GRIP1: variants seen among roughly 807,000 people sequenced by gnomAD.
GRIP1 encodes glutamate receptor interacting protein 1, also known as glutamate receptor-interacting protein 1.
In GRIP1, 45 loss-of-function variants were observed where a neutral mutation model predicts 129.9. That is an observed-to-expected ratio of 0.35 (90% CI 0.27 to 0.44). The LOEUF is 0.44. Among genes scored for constraint, GRIP1 ranks in the 20% least tolerant of loss-of-function variants. GRIP1 has a pLI of 1.00. For missense variants in GRIP1, 1,196 were observed against 1,396.8 expected, an observed-to-expected ratio of 0.86 and a Z score of 2.29; for synonymous variants, 530 against 520.8, an observed-to-expected ratio of 1.02 and a Z score of -0.24.
intron 7 of GRIP1, among the ~76,000 whole-genome samples, chr12:66,474,875 T>G (rs2059556017): frequency 6.6e-6 from 1 of 152,112 alleles, no homozygotes; most frequent in Non-Finnish European, 1.5e-5. Context: ...TGCAAAAACA[T>G]GCCAAATTGT....
intron 1 of GRIP1, among the ~76,000 whole-genome samples, chr12:66,645,186 T>C (rs1231311694): frequency 6.6e-6 from 1 of 152,214 alleles, no homozygotes; most frequent in Non-Finnish European, 1.5e-5. Context: ...GCCATCTGCA[T>C]AGTATAGAGT....
At chr12:66,547,667 A>T (rs1177153898) in intron 2 of GRIP1, among the ~76,000 whole-genome samples, 1 of 152,224 alleles carries the variant, frequency 6.6e-6, no homozygotes, top group East Asian at 1.9e-4. Context: ...GCAAAAAGTC[A>T]ACCCCAAAGA....
chr12:66,982,568 G>A (rs1400241969), intron 1 of GRIP1, among the ~76,000 whole-genome samples: 1 of 152,174 alleles, frequency 6.6e-6, no homozygotes, highest in Non-Finnish European at 1.5e-5. Context: ...TGTGGAAGAG[G>A]CCCTCATGGT....
chr12:66,961,534 C>T (rs73315223), intron 1 of GRIP1, among the ~76,000 whole-genome samples: 3,015 of 152,098 alleles, frequency 0.02, 106 homozygotes, highest in African/African-American at 0.068. Context: ...CTACAAAAAC[C>T]GGTTTAACCT....
intron 16 of GRIP1, among the ~76,000 whole-genome samples, chr12:66,401,134 C>T (rs1009288549): frequency 6.6e-6 from 1 of 152,066 alleles, no homozygotes; most frequent in African/African-American, 2.4e-5. Context: ...AGGAAAACGC[C>T]TACAACCCCA....
chr12:66,463,913 T>A (rs2059208228), intron 8 of GRIP1, among the ~76,000 whole-genome samples: 1 of 152,160 alleles, frequency 6.6e-6, no homozygotes, highest in South Asian at 2.1e-4. Flanking sequence ...AATTAAAGCA[T>A]CCTGTGCCAT....
At chr12:66,540,780 T>G (rs1005346904) in intron 3 of GRIP1, among the ~76,000 whole-genome samples, 1 of 151,998 alleles carries the variant, frequency 6.6e-6, no homozygotes, top group Non-Finnish European at 1.5e-5. Flanking sequence ...CTTTTATTTT[T>G]TATTTTTACT....
Position 66,622,569 on chromosome 12 carries a change from A to T in GRIP1, c.56-25642T>A, listed in dbSNP as rs112356646. The stretch of plus-strand genomic sequence containing the variant: ...TACTATGTACCCATTAAAACCAAAA[A>T]ATATATATACAATGTGAGAGGCTAA... On this transcript the variant is annotated intron_variant, in intron 1 of 24. Coordinates refer to ENST00000359742, the MANE Select transcript of GRIP1 (RefSeq NM_001366722.1). Among the ~76,000 whole-genome samples the T allele has an allele frequency of 4.1e-3, 628 of 152,274 alleles. 8 individuals are homozygous for T. Among genetic ancestry groups the T allele is most frequent in the African/African-American group, 0.014 (592 of 41,554 alleles).
intron 1 of GRIP1, among the ~76,000 whole-genome samples, chr12:66,802,826 A>G (rs1317564509): frequency 6.6e-6 from 1 of 152,232 alleles, no homozygotes; most frequent in Non-Finnish European, 1.5e-5. Context: ...AGGATATAGT[A>G]CGGAAACAAA....
At chr12:66,936,662 C>G (rs1055212094) in intron 1 of GRIP1, among the ~76,000 whole-genome samples, 5 of 152,144 alleles carry the variant, frequency 3.3e-5, no homozygotes, top group African/African-American at 1.2e-4. Context: ...GTGGCCTGGG[C>G]ACCCCTGAGC....
intron 1 of GRIP1, among the ~76,000 whole-genome samples, chr12:66,997,501 C>T (rs928142623): frequency 1.3e-5 from 2 of 151,824 alleles, no homozygotes; most frequent in African/African-American, 4.8e-5. Context: ...TTCTCACCAA[C>T]GACAATATAA....
At chr12:66,739,748 TAAAAAA>T (rs76377499) in intron 1 of GRIP1, among the ~76,000 whole-genome samples, 4 of 135,322 alleles carry the variant, frequency 3.0e-5, no homozygotes, top group African/African-American at 1.1e-4. Flanking sequence ...TAAAATAAAA[TAAAAAA>T]AAAAAAACCA....
upstream of GRIP1, among the ~76,000 whole-genome samples, chr12:66,683,263 T>C (rs2136288049): frequency 6.6e-6 from 1 of 152,218 alleles, no homozygotes; most frequent in East Asian, 1.9e-4. Flanking sequence ...AACCATGAGC[T>C]CAAACATGTT....
intron 7 of GRIP1, among the ~76,000 whole-genome samples, chr12:66,478,670 C>A (rs1228867176): frequency 1.3e-5 from 2 of 151,418 alleles, no homozygotes; most frequent in Non-Finnish European, 2.9e-5. Flanking sequence ...AAATGTGGCA[C>A]ATATACACCA....
At chr12:66,528,197 C>G (rs993513034) in intron 5 of GRIP1, among the ~76,000 whole-genome samples, 1 of 139,080 alleles carries the variant, frequency 7.2e-6, no homozygotes, top group Non-Finnish European at 1.5e-5. Context: ...TGCAGTGGCA[C>G]GATCTGGGCT....
chr12:66,443,048 G>T (rs891522426), intron 13 of GRIP1, among the ~76,000 whole-genome samples: 6 of 152,180 alleles, frequency 3.9e-5, no homozygotes, highest in Non-Finnish European at 7.3e-5. Flanking sequence ...TAATTGGTAA[G>T]GGTTATTGGG....
At chr12:66,914,209 T>C (rs1165555060) in intron 1 of GRIP1, among the ~76,000 whole-genome samples, 1 of 152,110 alleles carries the variant, frequency 6.6e-6, no homozygotes, top group Non-Finnish European at 1.5e-5. Context: ...GATATCTAAC[T>C]CAAAATGGGG....
At chr12:66,555,799 T>C (rs2062309323) in intron 2 of GRIP1, among the ~76,000 whole-genome samples, 1 of 151,954 alleles carries the variant, frequency 6.6e-6, no homozygotes, top group Non-Finnish European at 1.5e-5. Context: ...CACCACAGTC[T>C]GTTAATAGGA....
chr12:67,018,482 G>A (rs1489979409), intron 1 of GRIP1, among the ~76,000 whole-genome samples: 3 of 152,200 alleles, frequency 2.0e-5, no homozygotes, highest in African/African-American at 7.2e-5. Flanking sequence ...GATAACCCAA[G>A]GCCTGCGTTC....
Sources: gnomAD v4.1 joint callset for allele counts (sites outside exome capture counted in the v4.1 genomes callset) on GRCh38, gnomAD v4.1.1 for gene constraint, MANE v1.5 for transcripts, NCBI Gene and HGNC (gene_info 2026-07-23, HGNC 2026-07-21) for gene names.